POLN: variants seen among roughly 807,000 people sequenced by gnomAD.
POLN encodes the protein DNA polymerase N.
In POLN, 108 loss-of-function variants were observed where a neutral mutation model predicts 113.5. The observed-to-expected ratio is 0.95, with a 90% CI of 0.81 to 1.12. The LOEUF (loss-of-function observed/expected upper bound fraction) is 1.12, where lower values mean the gene tolerates loss of function less well. Among genes scored for constraint, POLN ranks in the 50% most tolerant of loss-of-function variants. The pLI is 0.00. For synonymous variants in POLN, 386 were observed against 391.5 expected, an observed-to-expected ratio of 0.99 and a Z score of 0.17; for missense variants, 1,097 against 1,077.1, an observed-to-expected ratio of 1.02 and a Z score of -0.26.
intron 3 of POLN, among the ~76,000 whole-genome samples, chr4:2,226,363 T>C (rs1206124698): frequency 1.3e-5 from 2 of 152,172 alleles, no homozygotes; most frequent in African/African-American, 2.4e-5. Flanking sequence ...AAGAAATGAG[T>C]AATCGCTGCC....
chr4:2,083,330 T>C (rs1451506733), intron 21 of POLN, among the ~76,000 whole-genome samples: 1 of 152,194 alleles, frequency 6.6e-6, no homozygotes, highest in Non-Finnish European at 1.5e-5. Context: ...TGGCTCCCCC[T>C]CCACACGTGG....
rs552955432 is a variant in POLN at position 2,220,263 on chromosome 4, C to A, written c.134-7137G>T. Among the ~76,000 whole-genome samples, 28 of 152,284 alleles carry A rather than the reference C, an allele frequency of 1.8e-4. 1 individual carries two copies. The South Asian group carries it at 5.8e-3, about 32-fold the overall frequency. ...GCTGTGCTTTGCTTTGCTTTCCTTT[C>A]TTCTTGCTCCTGCAGCTCTTAACCA... On this transcript the variant is annotated intron_variant, in intron 3 of 25. Transcript: ENST00000511885.
chr4:2,203,853 T>C (rs1372905201), intron 5 of POLN, among the ~76,000 whole-genome samples: 1 of 152,050 alleles, frequency 6.6e-6, no homozygotes, highest in Non-Finnish European at 1.5e-5. Context: ...CTCACGCCTG[T>C]AATCCCAGCA....
At chr4:2,122,808 T>C (rs1412980001) in intron 19 of POLN, among the ~76,000 whole-genome samples, 1 of 152,162 alleles carries the variant, frequency 6.6e-6, no homozygotes, top group East Asian at 1.9e-4. Flanking sequence ...ACCCAGCATG[T>C]CTACTCCTAG....
rs151271316 is a variant in POLN at position 2,205,283 on chromosome 4, T to C, written c.714+2704A>G. On this transcript the variant is annotated intron_variant, in intron 5 of 25. Transcript: ENST00000511885. ...AAGGTACACAAATCAGTAGCTCTGC[T>C]ATACACTAACAGTGACTAAGCTGAG... Among the ~76,000 whole-genome samples, 568 of 152,308 alleles carry C rather than the reference T, an allele frequency of 3.7e-3. 4 individuals are homozygous for C. Among genetic ancestry groups the C allele is most frequent in the African/African-American group, 0.013 (548 of 41,566 alleles).
At chr4:2,212,513 T>C (rs1030332782) in intron 4 of POLN, among the ~76,000 whole-genome samples, 1 of 152,152 alleles carries the variant, frequency 6.6e-6, no homozygotes, top group Non-Finnish European at 1.5e-5. Context: ...TAGCTGGGAC[T>C]ACAGGAGCAT....
rs187404165 is a variant in POLN, at chr4:2,236,549, T to C, written c.-13+4971A>G. 8.5e-4 allele frequency: 698 copies of C among 821,768 alleles called. 1 individual carries two copies. The highest frequency in any genetic ancestry group is 4.7e-4 in the Non-Finnish European group (241 of 509,372). 50.9% of individuals were successfully genotyped at this position (821,768 alleles called of 1,614,324 possible). On this transcript the variant is annotated intron_variant, in intron 2 of 25. Transcript: ENST00000511885. Reference sequence around the variant, plus strand: ...CACTGTATTGGGGCATTTGTGGGGATAGCTAAGTAACAACTTATAAAAATA... The same window carrying C: ...CACTGTATTGGGGCATTTGTGGGGACAGCTAAGTAACAACTTATAAAAATA...
chr4:2,119,712 A>G (rs1213824386), intron 19 of POLN, among the ~76,000 whole-genome samples: 1 of 152,184 alleles, frequency 6.6e-6, no homozygotes, highest in Non-Finnish European at 1.5e-5. Context: ...TGAAATAAAC[A>G]TTTTTAAGAG....
At chr4:2,224,954 A>G (rs543856927) in intron 3 of POLN, among the ~76,000 whole-genome samples, 60 of 147,836 alleles carry the variant, frequency 4.1e-4, no homozygotes, top group African/African-American at 1.3e-3. Context: ...CTGTCTTGGG[A>G]AAAAAAAAAA....
Position 2,177,943 on chromosome 4 carries a change from G to A in POLN, c.1179+1365C>T, listed in dbSNP as rs28623714. Reference sequence around the variant, plus strand: ...CCAGCTCCCTGGGACTCAGGGCTGCGTGGCTCCTGTTCTTCCCAAGGCCTG... The same window carrying A: ...CCAGCTCCCTGGGACTCAGGGCTGCATGGCTCCTGTTCTTCCCAAGGCCTG... On this transcript the variant is annotated intron_variant, in intron 8 of 25. Transcript: ENST00000511885. 4.6e-5 allele frequency among the ~76,000 whole-genome samples: 7 copies of A among 152,248 alleles called. 2 individuals carry two copies. The highest frequency in any genetic ancestry group is 3.9e-4 in the Admixed American group (6 of 15,308).
intron 23 of POLN, chr4:2,078,608 G>T: frequency 1.0e-6 from 1 of 985,298 alleles, no homozygotes; most frequent in South Asian, 4.7e-5. Flanking sequence ...AGCGAGAGAT[G>T]CCTGGCCACA....
At chr4:2,105,333 T>G (rs1731039540) in intron 19 of POLN, among the ~76,000 whole-genome samples, 1 of 152,100 alleles carries the variant, frequency 6.6e-6, no homozygotes, top group Admixed American at 6.5e-5. Flanking sequence ...CTCCTCTGCC[T>G]TTTTTTCCCC....
intron 2 of POLN, among the ~76,000 whole-genome samples, chr4:2,233,522 T>C (rs1560103077): frequency 6.6e-6 from 1 of 152,200 alleles, no homozygotes; most frequent in Admixed American, 6.5e-5. Context: ...CAGGTACTCT[T>C]AAGAAATACT....
chr4:2,157,464 C>T (rs889304371), intron 15 of POLN, among the ~76,000 whole-genome samples: 6 of 152,018 alleles, frequency 3.9e-5, no homozygotes, highest in South Asian at 2.1e-4. Context: ...AGGTAGCTCA[C>T]GCCTGTAATC....
intron 16 of POLN, among the ~76,000 whole-genome samples, chr4:2,152,438 C>T (rs552129137): frequency 6.7e-6 from 1 of 150,036 alleles, no homozygotes; most frequent in South Asian, 2.2e-4. Flanking sequence ...AACTCCTGGG[C>T]TCAAGTGATC....
At chr4:2,123,525 G>T (rs536736566) in intron 19 of POLN, among the ~76,000 whole-genome samples, 2 of 151,352 alleles carry the variant, frequency 1.3e-5, no homozygotes, top group African/African-American at 4.8e-5. Context: ...TACTCGGGAG[G>T]CTGAGGCAGG....
At position 2,098,922 on chromosome 4, in the gene POLN, A is replaced by G. The variant is rs867741776; in HGVS notation, c.1983-2989T>C. Among the ~76,000 whole-genome samples, 1,221 of 145,508 alleles carry G rather than the reference A, an allele frequency of 8.4e-3. 14 individuals carry two copies. The highest frequency in any genetic ancestry group is 0.026 in the East Asian group (130 of 5,062). Reference sequence around the variant, plus strand: ...TGTGCACATGCACGTGCGTGCGCACACACACACACACACACACACACACTG... The same window carrying G: ...TGTGCACATGCACGTGCGTGCGCACGCACACACACACACACACACACACTG... On this transcript the variant is annotated intron_variant, in intron 19 of 25. Coordinates refer to ENST00000511885, the MANE Select transcript of POLN (RefSeq NM_181808.4).
chr4:2,123,709 G>C (rs1455952833), intron 19 of POLN, among the ~76,000 whole-genome samples: 2 of 151,504 alleles, frequency 1.3e-5, no homozygotes, highest in Non-Finnish European at 2.9e-5. Flanking sequence ...GGGAGGTAAG[G>C]CTGGAGAATC....
intron 13 of POLN, among the ~76,000 whole-genome samples, chr4:2,160,037 G>T (rs1732540847): frequency 1.3e-5 from 2 of 152,184 alleles, no homozygotes; most frequent in African/African-American, 4.8e-5. Flanking sequence ...GATACTGCCA[G>T]TTCTCCAAAG....
Sources: gnomAD v4.1 joint callset for allele counts (sites outside exome capture counted in the v4.1 genomes callset) on GRCh38, gnomAD v4.1.1 for gene constraint, MANE v1.5 for transcripts, NCBI Gene and HGNC (gene_info 2026-07-23, HGNC 2026-07-21) for gene names.